Variants in ARHGAP32 observed in about 807,000 individuals in gnomAD.
The protein encoded by ARHGAP32 is rho GTPase-activating protein 32.
ARHGAP32 carries 51 observed loss-of-function variants against 186.5 expected under a neutral mutation model. The observed-to-expected ratio is 0.27, with a 90% confidence interval of 0.22 to 0.35. The LOEUF is 0.35. Ranked by LOEUF, ARHGAP32 falls within the 10% of genes least tolerant of loss-of-function variation. ARHGAP32 has a pLI of 1.00. For missense variants in ARHGAP32, 2,186 were observed against 2,623.5 expected, an observed-to-expected ratio of 0.83 and a Z score of 3.64; for synonymous variants, 950 against 964.3, an observed-to-expected ratio of 0.99 and a Z score of 0.27.
chr11:129,072,035 T>C (rs1940885933), intron 6 of ARHGAP32, among the ~76,000 whole-genome samples: 1 of 152,126 alleles, frequency 6.6e-6, no homozygotes, highest in African/African-American at 2.4e-5. Flanking sequence ...TGAATGGTGA[T>C]TAACATGAGC....
chr11:128,973,086 A>G lies in ARHGAP32; in HGVS notation c.3420T>C (p.Ala1140=). ...NCDHPLPETT[A]TGDPTHSNTT... Reference sequence around the variant, plus strand: ...TGTTGGAATGGGTAGGATCCCCAGTAGCTGTTGTCTCTGGTAGAGGATGGT... The same window carrying G: ...TGTTGGAATGGGTAGGATCCCCAGTGGCTGTTGTCTCTGGTAGAGGATGGT... The change falls in exon 22 of 23, where the codon GCT becomes GCC. Residue 1140 remains alanine, a synonymous_variant. Transcript: ENST00000682385. 6.2e-7 allele frequency: 1 copy of G among 1,614,148 alleles called. No homozygotes were observed. Among genetic ancestry groups the G allele is most frequent in the Non-Finnish European group, 8.5e-7 (1 of 1,180,028 alleles).
chr11:129,084,558 T>A lies in ARHGAP32; in HGVS notation c.531+9063A>T, dbSNP rs2135233865. ...TAAACAGGCTAAAGAAGAATAAAAA[T>A]CACATGATTTCACCAATAAACACAG... On this transcript the variant is annotated intron_variant, in intron 6 of 22. Coordinates refer to ENST00000682385, the MANE Select transcript of ARHGAP32 (RefSeq NM_001378024.1). 1.3e-5 allele frequency among the ~76,000 whole-genome samples: 2 copies of A among 152,090 alleles called. 1 individual carries two copies. The highest frequency in any genetic ancestry group is 4.1e-4 in the South Asian group (2 of 4,826).
chr11:129,071,857 C>T (rs1411842204), intron 6 of ARHGAP32, among the ~76,000 whole-genome samples: 4 of 152,058 alleles, frequency 2.6e-5, no homozygotes, highest in African/African-American at 9.7e-5. Flanking sequence ...ATGTGGTATA[C>T]GTACACAATG....
intron 1 of ARHGAP32, among the ~76,000 whole-genome samples, chr11:129,223,758 A>C (rs978309313): frequency 2.6e-5 from 4 of 152,224 alleles, no homozygotes; most frequent in Non-Finnish European, 5.9e-5. Flanking sequence ...CCTGTCAGAG[A>C]GAGCCAAAGA....
intron 1 of ARHGAP32, chr11:129,203,047 T>C (rs552452162): frequency 2.0e-5 from 3 of 152,352 alleles, no homozygotes; most frequent in African/African-American, 7.2e-5. Context: ...GAAATTCAAG[T>C]AGTCAGAGGC....
intron 1 of ARHGAP32, among the ~76,000 whole-genome samples, chr11:129,204,923 T>A (rs1382305600): frequency 1.3e-5 from 2 of 152,308 alleles, no homozygotes; most frequent in East Asian, 3.9e-4. Context: ...AGAATTTAAG[T>A]TCCTGCCTGC....
chr11:129,199,684 G>A (rs760481654), intron 1 of ARHGAP32, among the ~76,000 whole-genome samples: 2 of 152,254 alleles, frequency 1.3e-5, no homozygotes, highest in Non-Finnish European at 2.9e-5. Flanking sequence ...GAAAACCTCT[G>A]CCAGGGCAGT....
chr11:129,119,235 C>G (rs370007711), intron 5 of ARHGAP32, among the ~76,000 whole-genome samples: 1 of 151,870 alleles, frequency 6.6e-6, no homozygotes. Flanking sequence ...AAAGCAAGAC[C>G]AAGGCTAACT....
chr11:129,071,292 T>C (rs974886468), intron 6 of ARHGAP32, among the ~76,000 whole-genome samples: 6 of 151,708 alleles, frequency 4.0e-5, no homozygotes, highest in Non-Finnish European at 5.9e-5. Context: ...CCTCCACAGA[T>C]TGGGAAAAAA....
At chr11:129,261,276 T>C (rs969950778) in intron 1 of ARHGAP32, among the ~76,000 whole-genome samples, 1 of 152,140 alleles carries the variant, frequency 6.6e-6, no homozygotes, top group Non-Finnish European at 1.5e-5. Flanking sequence ...ATTCCAGATT[T>C]TTTCACATAA....
At chr11:129,029,709 G>A (rs959009832) in intron 11 of ARHGAP32, among the ~76,000 whole-genome samples, 1 of 147,652 alleles carries the variant, frequency 6.8e-6, no homozygotes, top group Non-Finnish European at 1.5e-5. Context: ...GGCTGAGGCA[G>A]GAGAATGGCG....
Position 129,062,322 on chromosome 11 carries a change from C to A in ARHGAP32, c.921G>T (p.Pro307=), listed in dbSNP as rs771862535. 4 of 1,613,492 alleles carry A rather than the reference C, an allele frequency of 2.5e-6. No individual in the cohort carries two copies. In the African/African-American group the frequency reaches 4.0e-5, roughly 16 times the overall value. The change falls in exon 10 of 23, where the codon CCG becomes CCT. Residue 307 remains proline (P), a synonymous_variant. Coordinates refer to ENST00000682385, the MANE Select transcript of ARHGAP32 (RefSeq NM_001378024.1). The stretch of plus-strand genomic sequence containing the variant: ...CTCTCCACCATGTGCTTAACACTTT[C>A]GGGGGCATGTCAATAACAGAAACAA... ...GDIVSVIDMP[P]KVLSTWWRGK... is the part of the protein sequence containing the mutation.
intron 10 of ARHGAP32, among the ~76,000 whole-genome samples, chr11:129,048,106 C>T (rs1440321454): frequency 2.0e-5 from 3 of 151,840 alleles, no homozygotes; most frequent in Non-Finnish European, 4.4e-5. Context: ...CCCCCAAAAG[C>T]ACAACATTGC....
At chr11:129,131,565 C>A (rs890144251) in intron 2 of ARHGAP32, among the ~76,000 whole-genome samples, 1 of 152,054 alleles carries the variant, frequency 6.6e-6, no homozygotes, top group Non-Finnish European at 1.5e-5. Context: ...TAAAAAACCA[C>A]CCAAAACCAC....
chr11:129,230,005 A>T (rs1340039609), intron 1 of ARHGAP32, among the ~76,000 whole-genome samples: 1 of 152,010 alleles, frequency 6.6e-6, no homozygotes, highest in Non-Finnish European at 1.5e-5. Flanking sequence ...TATAGAGACA[A>T]GGTTTTGCCA....
intron 20 of ARHGAP32, among the ~76,000 whole-genome samples, chr11:128,976,008 T>C (rs1945531850): frequency 6.6e-6 from 1 of 151,806 alleles, no homozygotes; most frequent in South Asian, 2.1e-4. Flanking sequence ...AACCGGGAGT[T>C]AGAGGTTGCA....
intron 1 of ARHGAP32, among the ~76,000 whole-genome samples, chr11:129,221,293 TGAATA>T (rs1332194076): frequency 6.6e-6 from 1 of 152,168 alleles, no homozygotes; most frequent in Non-Finnish European, 1.5e-5. Context: ...CCATTTTAAT[TGAATA>T]GAACTTTTAA....
intron 11 of ARHGAP32, among the ~76,000 whole-genome samples, chr11:129,002,186 A>G (rs2063518122): frequency 1.3e-5 from 2 of 152,162 alleles, no homozygotes; most frequent in South Asian, 4.1e-4. Flanking sequence ...TGGTCTGGGT[A>G]ATATGGACAT....
chr11:129,203,346 A>T (rs1335400368), intron 1 of ARHGAP32, among the ~76,000 whole-genome samples: 1 of 152,258 alleles, frequency 6.6e-6, no homozygotes, highest in Non-Finnish European at 1.5e-5. Context: ...CTAGCAACTT[A>T]TTCAACATGT....
Sources: gnomAD v4.1 joint callset for allele counts (sites outside exome capture counted in the v4.1 genomes callset) on GRCh38, gnomAD v4.1.1 for gene constraint, MANE v1.5 for transcripts, NCBI Gene and HGNC (gene_info 2026-07-23, HGNC 2026-07-21) for gene names.